Variants in MON2 observed in about 807,000 individuals in gnomAD.
The protein encoded by MON2 is protein MON2 homolog.
MON2 carries 84 observed loss-of-function variants against 208.6 expected under a neutral mutation model. That is an observed-to-expected ratio of 0.40 (90% confidence interval 0.34 to 0.48). The LOEUF is 0.48. Among genes scored for constraint, MON2 ranks in the 20% least tolerant of loss-of-function variants. The pLI is 0.59. For missense variants in MON2, 1,611 were observed against 2,015.4 expected (o/e 0.80, Z 3.84); for synonymous variants, 660 against 694.0 (o/e 0.95, Z 0.77).
intron 12 of MON2, among the ~76,000 whole-genome samples, chr12:62,533,356 A>G (rs1274194528): frequency 2.0e-5 from 3 of 152,234 alleles, no homozygotes; most frequent in East Asian, 1.9e-4. Flanking sequence ...TTGTGGAAAA[A>G]TACTTTCAGA....
intron 2 of MON2, among the ~76,000 whole-genome samples, chr12:62,492,022 A>T (rs920824202): frequency 6.6e-6 from 1 of 152,198 alleles, no homozygotes; most frequent in Non-Finnish European, 1.5e-5. Flanking sequence ...ACAAGAAAGC[A>T]AGGGAATAAG....
chr12:62,565,127 C>T, intron 26 of MON2, 110 bp from the exon 27 acceptor site: 1 of 1,079,282 alleles, frequency 9.3e-7, no homozygotes, highest in Non-Finnish European at 1.4e-6. Context: ...TGGTATAATA[C>T]ATAAAATAAG....
chr12:62,578,897 A>G (rs2074893392), intron 31 of MON2, among the ~76,000 whole-genome samples: 1 of 152,182 alleles, frequency 6.6e-6, no homozygotes, highest in African/African-American at 2.4e-5. Flanking sequence ...AATCAGCTGT[A>G]TATACAGCCT....
At position 62,501,543 on chromosome 12, in the gene MON2, C is replaced by A. The variant is rs1348628146; in HGVS notation, c.664-30C>A. ...TTTGGAAAAGCACATTTAATTCTAG[C>A]ATGTGAAATTGTTCGATTTATTTTC... On this transcript the variant is annotated intron_variant, in intron 6 of 34. Coordinates refer to ENST00000393630, the MANE Select transcript of MON2 (RefSeq NM_015026.3). 4 of 1,606,884 alleles carry A rather than the reference C, an allele frequency of 2.5e-6. No homozygotes were observed. In the South Asian group the frequency reaches 4.4e-5, roughly 18 times the overall value.
intron 1 of MON2, among the ~76,000 whole-genome samples, chr12:62,475,484 A>T (rs2069021980): frequency 1.3e-5 from 2 of 152,036 alleles, no homozygotes; most frequent in African/African-American, 4.8e-5. Flanking sequence ...CTTTAAAAAA[A>T]AAAATTAATC....
chr12:62,476,922 C>G (rs1035827411), intron 1 of MON2, among the ~76,000 whole-genome samples: 1 of 151,982 alleles, frequency 6.6e-6, no homozygotes, highest in Non-Finnish European at 1.5e-5. Flanking sequence ...CTTTGGGAGG[C>G]GAAGACTGGA....
In MON2 at chr12:62,538,244, C is replaced by A; in HGVS notation, c.2200-8C>A. On this transcript the variant is annotated splice_region_variant and splice_polypyrimidine_tract_variant and intron_variant, in intron 17 of 34. Transcript: ENST00000393630. ...GTCATATATTACATTTAATTTTATT[C>A]TTCTCAGGTTCTAACAACAGCAGTG... The A allele has an allele frequency of 1.2e-6, 2 of 1,611,940 alleles. No individual in the cohort carries two copies. Among genetic ancestry groups the A allele is most frequent in the South Asian group, 1.1e-5 (1 of 91,018 alleles).
At chr12:62,557,930 A>T (rs867207830) in intron 25 of MON2, among the ~76,000 whole-genome samples, 98 of 34,498 alleles carry the variant, frequency 2.8e-3, no homozygotes, top group African/African-American at 0.012. Context: ...GAATAGATTT[A>T]TATATATATA....
At chr12:62,562,394 A>G (rs1395304188) in intron 26 of MON2, among the ~76,000 whole-genome samples, 1 of 151,964 alleles carries the variant, frequency 6.6e-6, no homozygotes, top group Non-Finnish European at 1.5e-5. Flanking sequence ...TATCCCAACT[A>G]CTAGTAATTT....
chr12:62,566,259 A>T, intron 28 of MON2, 63 bp from the exon 29 acceptor site: 1 of 1,556,478 alleles, frequency 6.4e-7, no homozygotes, highest in African/African-American at 1.4e-5. Context: ...TTCTCTTTGA[A>T]AACAATATGA....
intron 1 of MON2, among the ~76,000 whole-genome samples, chr12:62,469,923 T>TTTATTTATTCA (rs766894539): frequency 2.0e-5 from 1 of 48,824 alleles, no homozygotes; most frequent in Non-Finnish European, 3.5e-5. Flanking sequence ...TATTTATTTA[T>TTTATTTATTCA]TTGAGACAGG....
At chr12:62,563,897 A>G (rs2074281784) in intron 26 of MON2, among the ~76,000 whole-genome samples, 1 of 152,094 alleles carries the variant, frequency 6.6e-6, no homozygotes, top group African/African-American at 2.4e-5. Context: ...CTCTTTTTCC[A>G]CAGTAATTAC....
chr12:62,508,309 C>T lies in MON2; in HGVS notation c.813C>T (p.Leu271=). ...AGCACCAAGAATTTAGTTTCCTCCT[C>T]AAAGAAAGGGTATGTCCTCTTGTGA... ...FLQHQEFSFL[L]KERVCPLVIK... The change falls in exon 8 of 35, where the codon CTC becomes CTT. Residue 271 remains leucine (L), a synonymous_variant. Transcript: ENST00000393630. The T allele has an allele frequency of 6.2e-7, 1 of 1,612,738 alleles. No individual in the cohort carries two copies. Among genetic ancestry groups the T allele is most frequent in the Non-Finnish European group, 8.5e-7 (1 of 1,179,504 alleles).
rs749145797 is a variant in MON2, at chr12:62,600,342, A to G, written c.*7593A>G. On this transcript the variant is annotated 3_prime_UTR_variant, in exon 35 of 35. Coordinates refer to ENST00000393630, the MANE Select transcript of MON2 (RefSeq NM_015026.3). ...AATGTTAAGAATCTACTGTGTGCTA[A>G]TAACTGTGTCCTTGCTGTATGACAG... 2.0e-5 allele frequency: 3 copies of G among 152,234 alleles called. No homozygotes were observed. Among genetic ancestry groups the G allele is most frequent in the Non-Finnish European group, 4.4e-5 (3 of 68,040 alleles). The allele number at this position is 152,234 out of a possible 1,614,324, so 9.4% of individuals were successfully genotyped here. A position where few individuals can be genotyped will look rare whatever the true frequency, so the allele number is the denominator to read the frequency against.
At chr12:62,512,177 A>G (rs780616638) in intron 8 of MON2, among the ~76,000 whole-genome samples, 2 of 152,144 alleles carry the variant, frequency 1.3e-5, no homozygotes, top group African/African-American at 2.4e-5. Context: ...CCCAAGTCTC[A>G]TAGGTCCTCA....
At chr12:62,534,733 T>A (rs1405756704) in intron 12 of MON2, 112 bp from the exon 13 acceptor site, 18 of 699,590 alleles carry the variant, frequency 2.6e-5, no homozygotes, top group Admixed American at 2.1e-4. Flanking sequence ...ATAATTAAGT[T>A]GTTAATGGAA....
At chr12:62,582,820 T>C (rs1359850424) in intron 32 of MON2, among the ~76,000 whole-genome samples, 6 of 152,182 alleles carry the variant, frequency 3.9e-5, no homozygotes, top group Non-Finnish European at 7.3e-5. Context: ...CCAGTGATGA[T>C]TGGCCTTTTG....
chr12:62,479,315 C>T (rs1592817107), intron 1 of MON2, among the ~76,000 whole-genome samples: 3 of 151,994 alleles, frequency 2.0e-5, no homozygotes, highest in South Asian at 4.2e-4. Context: ...TTGCACATAA[C>T]GTGTGCATAT....
At position 62,566,310 on chromosome 12, in the gene MON2, AT is replaced by A; in HGVS notation, c.4195-10del. 2 of 1,599,252 alleles carry A rather than the reference AT, an allele frequency of 1.3e-6. No homozygotes were observed. Among genetic ancestry groups the A allele is most frequent in the Non-Finnish European group, 1.7e-6 (2 of 1,175,500 alleles). ...TTTATTTTTAACTGCATGTGAAAAT[AT>A]TACTTTCTAGGCGGAATGGGTAGCC... On this transcript the variant is annotated splice_polypyrimidine_tract_variant and intron_variant, in intron 28 of 34. Transcript: ENST00000393630.
Sources: gnomAD v4.1 joint callset for allele counts (sites outside exome capture counted in the v4.1 genomes callset) on GRCh38, gnomAD v4.1.1 for gene constraint, MANE v1.5 for transcripts, NCBI Gene and HGNC (gene_info 2026-07-23, HGNC 2026-07-21) for gene names.